PTGIR: variants seen among roughly 807,000 people sequenced by gnomAD.
PTGIR encodes prostacyclin receptor.
Under a neutral mutation model 17.6 loss-of-function variants are expected in PTGIR, and 16 were observed. The ratio of observed to expected loss-of-function variants is 0.91; its 90% CI spans 0.61 to 1.38. The LOEUF is 1.38. Among genes scored for constraint, PTGIR ranks in the 40% most tolerant of loss-of-function variants. PTGIR has a pLI of 0.00. For synonymous variants in PTGIR, 274 were observed against 255.4 expected, an observed-to-expected ratio of 1.07 and a Z score of -0.69; for missense variants, 532 against 548.6, an observed-to-expected ratio of 0.97 and a Z score of 0.30.
In PTGIR at chr19:46,621,658, G is replaced by A; in HGVS notation, c.783C>T (p.Thr261=). The change falls in exon 3 of 3, where the codon ACC becomes ACT. Residue 261 remains threonine (T), a synonymous_variant. Transcript: ENST00000291294. This position sits in a 1 kb window ranked among gnomAD's most constrained non-coding sequence, Gnocchi z 4.8. The part of the protein sequence containing the change: ...CSLPLTIRCF[T]QAVAPDSSSE... Reference sequence around the variant, plus strand: ...TGCTGCTGTCAGGGGCGACAGCCTGGGTGAAGCAGCGGATCTGAGGGCAGG... The same window carrying A: ...TGCTGCTGTCAGGGGCGACAGCCTGAGTGAAGCAGCGGATCTGAGGGCAGG... 6.2e-7 allele frequency: 1 copy of A among 1,612,192 alleles called. No individual in the cohort carries two copies.
Position 46,621,353 on chromosome 19 carries a change from G to C in PTGIR, c.1088C>G (p.Thr363Arg). ...GEGQVEPLPPTQQSSGSAVGT... is the reference protein window; with the variant it reads ...GEGQVEPLPPRQQSSGSAVGT... ...CACGGCGCTGCCGCTGGACTGCTGT[G>C]TGGGAGGCAAGGGCTCCACCTGCCC... Residue 363 changes from threonine (T) to arginine (R), a missense_variant, in exon 3 of 3, where the codon ACA becomes AGA. Thr to Arg is a moderately conservative substitution (Grantham distance 71). Transcript: ENST00000291294. This position sits in a 1 kb window ranked among gnomAD's most constrained non-coding sequence, Gnocchi z 4.8. 1 of 1,556,400 alleles carries C rather than the reference G, an allele frequency of 6.4e-7. No homozygotes were observed. Among genetic ancestry groups the C allele is most frequent in the South Asian group, 1.2e-5 (1 of 81,930 alleles).
downstream of PTGIR, among the ~76,000 whole-genome samples, chr19:46,615,662 C>A (rs141884683): frequency 6.6e-6 from 1 of 151,996 alleles, no homozygotes; most frequent in African/African-American, 2.4e-5. Context: ...CCCACCACCA[C>A]GCCCGGCTAA....
In PTGIR at chr19:46,624,227, C is replaced by T; in HGVS notation, c.-2G>A. On this transcript the variant is annotated 5_prime_UTR_variant, in exon 2 of 3. Transcript: ENST00000291294. ...GAGGTTCCTGCACGAATCCGCCATC[C>T]CAGGTCTGGGCTGGAGGGTTCCCAA... 1 of 1,442,136 alleles carries T rather than the reference C, an allele frequency of 6.9e-7. No homozygotes were observed. Among genetic ancestry groups the T allele is most frequent in the East Asian group, 2.6e-5 (1 of 38,192 alleles). The allele number at this position is 1,442,136 out of a possible 1,614,324, so 89.3% of individuals were successfully genotyped here. A position where few individuals can be genotyped will look rare whatever the true frequency, so the allele number is the denominator to read the frequency against.
At chr19:46,619,197 T>C (rs1355683452), downstream of PTGIR, among the ~76,000 whole-genome samples, 8 of 151,836 alleles carry the variant, frequency 5.3e-5, no homozygotes, top group Non-Finnish European at 1.5e-5. Context: ...CCGTCTTCTG[T>C]AGAAAGGACT....
At chr19:46,619,569 G>GAA (rs1568675616), downstream of PTGIR, among the ~76,000 whole-genome samples, 1 of 113,132 alleles carries the variant, frequency 8.8e-6, no homozygotes, top group East Asian at 2.4e-4. Flanking sequence ...GAGAGAGAGA[G>GAA]AGAGAGAGAG....
Position 46,620,962 on chromosome 19 carries a change from A to G in PTGIR, c.*318T>C. 9.5e-7 allele frequency: 1 copy of G among 1,047,206 alleles called. No individual in the cohort carries two copies. Among genetic ancestry groups the G allele is most frequent in the Non-Finnish European group, 1.1e-6 (1 of 870,412 alleles). 64.9% of individuals were successfully genotyped at this position (1,047,206 alleles called of 1,614,324 possible). On this transcript the variant is annotated 3_prime_UTR_variant, in exon 3 of 3. Coordinates refer to ENST00000291294, the MANE Select transcript of PTGIR (RefSeq NM_000960.4). ...ACCAGAGCAGACCTGACTGTACAGAAGCCTCTGGGAACTTCTCCGCCTTCT... is the reference window on the plus strand; with the variant it reads ...ACCAGAGCAGACCTGACTGTACAGAGGCCTCTGGGAACTTCTCCGCCTTCT...
chr19:46,617,376 G>T (rs906348415), downstream of PTGIR, among the ~76,000 whole-genome samples: 17 of 152,180 alleles, frequency 1.1e-4, no homozygotes, highest in Non-Finnish European at 2.4e-4. Flanking sequence ...TGGATGGGGG[G>T]CATTGTCTGA....
At position 46,623,916 on chromosome 19, in the gene PTGIR, G is replaced by A. The variant is rs1426705699; in HGVS notation, c.310C>T (p.Leu104=). ...GCAAAGAGGATGAGCATGGACGCCAGGCCGAAGAAGGTCATGGCGAAGGCG... is the reference window on the plus strand; with the variant it reads ...GCAAAGAGGATGAGCATGGACGCCAAGCCGAAGAAGGTCATGGCGAAGGCG... ...AFAFAMTFFG[L]ASMLILFAMA... The change falls in exon 2 of 3, where the codon CTG becomes TTG. Residue 104 remains leucine (L), a synonymous_variant. Transcript: ENST00000291294. The A allele has an allele frequency of 6.2e-7, 1 of 1,605,506 alleles. No individual in the cohort carries two copies. Among genetic ancestry groups the A allele is most frequent in the Admixed American group, 1.7e-5 (1 of 59,298 alleles).
chr19:46,623,945 G>A lies in PTGIR; in HGVS notation c.281C>T (p.Ala94Val), dbSNP rs200390379. ...LARGGPALCD[A>V]FAFAMTFFGL... The stretch of plus-strand genomic sequence containing the variant: ...GAAGAAGGTCATGGCGAAGGCGAAG[G>A]CATCGCACAGGGCGGGGCCGCCTCG... The change falls in exon 2 of 3, where the codon GCC becomes GTC. Residue 94 changes from alanine to valine, a missense_variant. Physicochemically the swap from Ala to Val is moderately conservative, Grantham distance 64 (BLOSUM62 0). Coordinates refer to ENST00000291294, the MANE Select transcript of PTGIR (RefSeq NM_000960.4). 2 of 1,594,888 alleles carry A rather than the reference G, an allele frequency of 1.3e-6. No individual in the cohort carries two copies. Among genetic ancestry groups the A allele is most frequent in the Admixed American group, 1.7e-5 (1 of 58,078 alleles).
chr19:46,613,580 C>G, the PTGIR span, among the ~76,000 whole-genome samples: 1 of 152,138 alleles, frequency 6.6e-6, no homozygotes, highest in Non-Finnish European at 1.5e-5. Flanking sequence ...AGTCCGCCCG[C>G]CTCGGCCTCC....
chr19:46,622,046 C>T, intron 2 of PTGIR: 3 of 985,448 alleles, frequency 3.0e-6, no homozygotes, highest in African/African-American at 1.7e-5. Context: ...CTGTCCACGG[C>T]ATCTGAGTCT....
At chr19:46,620,155 AGT>A (rs751959633), downstream of PTGIR, among the ~76,000 whole-genome samples, 2 of 152,294 alleles carry the variant, frequency 1.3e-5, no homozygotes, top group East Asian at 3.9e-4. Context: ...TCCGTCACCC[AGT>A]GGCACGATCT....
the PTGIR span, among the ~76,000 whole-genome samples, chr19:46,614,759 G>A: frequency 6.6e-6 from 1 of 151,990 alleles, no homozygotes; most frequent in South Asian, 2.1e-4. Context: ...GGTGGCTCAC[G>A]CTTCTAATCC....
rs1418590869 is a variant in PTGIR, at chr19:46,621,679, G to C, written c.769-7C>G. 1 of 1,608,420 alleles carries C rather than the reference G, an allele frequency of 6.2e-7. No homozygotes were observed. The highest frequency in any genetic ancestry group is 1.7e-5 in the Admixed American group (1 of 59,892). ...CCTGGGTGAAGCAGCGGATCTGAGG[G>C]CAGGGTGAGGGCGTCAAGGAGCACC... is the stretch of plus-strand genomic sequence containing the variant. On this transcript the variant is annotated splice_polypyrimidine_tract_variant and splice_region_variant and intron_variant, in intron 2 of 2. Coordinates refer to ENST00000291294, the MANE Select transcript of PTGIR (RefSeq NM_000960.4). This position sits in a 1 kb window ranked among gnomAD's most constrained non-coding sequence, Gnocchi z 4.8.
Position 46,623,764 on chromosome 19 carries a change from G to A in PTGIR, c.462C>T (p.Pro154=), listed in dbSNP as rs779233458. 1 of 1,603,516 alleles carries A rather than the reference G, an allele frequency of 6.2e-7. No individual in the cohort carries two copies. The highest frequency in any genetic ancestry group is 1.3e-5 in the African/African-American group (1 of 74,978). ...GCTGGTGTTGGCCCAGGCCCAGCAG[G>A]GGCAGCGCGCAGAAGAGGACGCAGA... The part of the protein sequence containing the change: ...YAFCVLFCAL[P]LLGLGQHQQY... Residue 154 remains proline, a synonymous_variant, in exon 2 of 3, where the codon CCC becomes CCT. Coordinates refer to ENST00000291294, the MANE Select transcript of PTGIR (RefSeq NM_000960.4).
In PTGIR at chr19:46,623,451, G is replaced by T. The variant is rs188175358; in HGVS notation, c.768+7C>A. ...CCCCACTCCTCCCAGCTCCGGAGGGGACTCACCGTGAGAGGCAGGGAGCAC... is the reference window on the plus strand; with the variant it reads ...CCCCACTCCTCCCAGCTCCGGAGGGTACTCACCGTGAGAGGCAGGGAGCAC... On this transcript the variant is annotated splice_region_variant and intron_variant, in intron 2 of 2. Coordinates refer to ENST00000291294, the MANE Select transcript of PTGIR (RefSeq NM_000960.4). 4 of 1,539,256 alleles carry T rather than the reference G, an allele frequency of 2.6e-6. No homozygotes were observed. The highest frequency in any genetic ancestry group is 3.5e-6 in the Non-Finnish European group (4 of 1,138,838).
chr19:46,623,784 C>T lies in PTGIR; in HGVS notation c.442G>A (p.Val148Ile), dbSNP rs773239222. The T allele has an allele frequency of 8.1e-6, 13 of 1,607,050 alleles. No homozygotes were observed. The highest frequency in any genetic ancestry group is 3.3e-4 in the Middle Eastern group (2 of 6,048). Reference sequence around the variant, plus strand: ...AGCAGGGGCAGCGCGCAGAAGAGGACGCAGAAGGCGTAGATGGCTGGCAGC... The same window carrying T: ...AGCAGGGGCAGCGCGCAGAAGAGGATGCAGAAGGCGTAGATGGCTGGCAGC... ...LALPAIYAFCVLFCALPLLGL... is the reference protein window; with the variant it reads ...LALPAIYAFCILFCALPLLGL... The change falls in exon 2 of 3, where the codon GTC (valine) becomes ATC (isoleucine). Residue 148 changes from valine (V) to isoleucine (I), a missense_variant. Coordinates refer to ENST00000291294, the MANE Select transcript of PTGIR (RefSeq NM_000960.4).
At chr19:46,613,782 G>A in the PTGIR span, among the ~76,000 whole-genome samples, 1 of 152,258 alleles carries the variant, frequency 6.6e-6, no homozygotes, top group African/African-American at 2.4e-5. Context: ...AGTGGAGGCC[G>A]GGCAGGTGAA....
downstream of PTGIR, among the ~76,000 whole-genome samples, chr19:46,619,196 G>T (rs1307045766): frequency 6.6e-6 from 1 of 151,994 alleles, no homozygotes; most frequent in African/African-American, 2.4e-5. Flanking sequence ...TCCGTCTTCT[G>T]TAGAAAGGAC....
Sources: allele counts gnomAD v4.1 joint callset (sites outside exome capture counted in the v4.1 genomes callset), GRCh38; gene constraint gnomAD v4.1.1; non-coding constraint Gnocchi (gnomAD v3.1); transcripts MANE v1.5; gene names NCBI Gene and HGNC (gene_info 2026-07-23, HGNC 2026-07-21).